Variants in ZNF829 observed in about 807,000 individuals in gnomAD.
ZNF829 encodes the protein zinc finger protein 829.
Under a neutral mutation model 35.2 loss-of-function variants are expected in ZNF829, and 25 were observed. That is an observed-to-expected ratio of 0.71 (90% CI 0.52 to 0.99). ZNF829 has a LOEUF of 0.99. Ranked by LOEUF, ZNF829 falls within the 50% of genes least tolerant of loss-of-function variation. The pLI is 0.00. For synonymous variants in ZNF829, 136 were observed against 163.2 expected, an observed-to-expected ratio of 0.83 and a Z score of 1.27; for missense variants, 417 against 515.3, an observed-to-expected ratio of 0.81 and a Z score of 1.85.
chr19:36,906,767 A>G (rs2073218973), intron 5 of ZNF829: 1 of 152,112 alleles, frequency 6.6e-6, no homozygotes, highest in Non-Finnish European at 1.5e-5. Flanking sequence ...GTAATTAATA[A>G]TATATAAAGC....
chr19:36,897,490 A>T (rs1248265124), intron 5 of ZNF829, among the ~76,000 whole-genome samples: 3 of 152,234 alleles, frequency 2.0e-5, no homozygotes, highest in African/African-American at 7.2e-5. Flanking sequence ...GAAACATCTG[A>T]TAAACTTCAA....
At chr19:36,915,308 C>A in intron 1 of ZNF829, 57 bp from the exon 2 acceptor site, 1 of 1,527,458 alleles carries the variant, frequency 6.5e-7, no homozygotes, top group Non-Finnish European at 8.8e-7. Flanking sequence ...CATACTCATA[C>A]ACAGAATGCC....
intron 2 of ZNF829, 47 bp from the exon 3 acceptor site, chr19:36,915,069 C>A (rs1470226303): frequency 1.9e-6 from 3 of 1,613,976 alleles, no homozygotes; most frequent in South Asian, 1.1e-5. Context: ...TGTGAGACAC[C>A]AGGTTTTTCT....
chr19:36,891,439 G>T lies in ZNF829; in HGVS notation c.*53C>A. The T allele has an allele frequency of 1.3e-6, 2 of 1,491,898 alleles. No individual in the cohort carries two copies. Among genetic ancestry groups the T allele is most frequent in the Admixed American group, 2.3e-5 (1 of 43,264 alleles). 92.4% of individuals were successfully genotyped at this position (1,491,898 alleles called of 1,614,324 possible). ...GTATCCTAATTTGTTCTCCTTACCT[G>T]TTTTAAAAAAATTATTATAAAGGTT... On this transcript the variant is annotated 3_prime_UTR_variant, in exon 6 of 6. Transcript: ENST00000391711.
intron 5 of ZNF829, chr19:36,905,376 G>GA (rs1454239577): frequency 9.3e-5 from 14 of 151,196 alleles, no homozygotes; most frequent in Admixed American, 8.6e-4. Context: ...ATATTCTCAT[G>GA]AAAAAATAAC....
chr19:36,893,925 C>A (rs2073086916), intron 5 of ZNF829, among the ~76,000 whole-genome samples: 1 of 152,172 alleles, frequency 6.6e-6, no homozygotes, highest in South Asian at 2.1e-4. Context: ...TTGGTAATTA[C>A]CAAGAAGACT....
At chr19:36,912,046 T>C (rs1318220322) in intron 3 of ZNF829, among the ~76,000 whole-genome samples, 1 of 152,210 alleles carries the variant, frequency 6.6e-6, no homozygotes, top group African/African-American at 2.4e-5. Context: ...ACTTTTCTTT[T>C]CCTTACCTCC....
At chr19:36,897,423 G>A (rs1036167512) in intron 5 of ZNF829, among the ~76,000 whole-genome samples, 1 of 152,104 alleles carries the variant, frequency 6.6e-6, no homozygotes, top group Non-Finnish European at 1.5e-5. Flanking sequence ...TAAACATGAT[G>A]TATCAGATCA....
chr19:36,891,833 C>T lies in ZNF829; in HGVS notation c.958G>A (p.Gly320Ser), dbSNP rs2073056921. 1 of 1,614,010 alleles carries T rather than the reference C, an allele frequency of 6.2e-7. No individual in the cohort carries two copies. Among genetic ancestry groups the T allele is most frequent in the Non-Finnish European group, 8.5e-7 (1 of 1,180,020 alleles). The change falls in exon 6 of 6, where the codon GGT becomes AGT. Residue 320 changes from glycine to serine, a missense_variant. Gly to Ser is a moderately conservative substitution (Grantham distance 56). Coordinates refer to ENST00000391711, the MANE Select transcript of ZNF829 (RefSeq NM_001037232.4). The stretch of plus-strand genomic sequence containing the variant: ...TGCTTACATTCATAAGGTTTCTCAC[C>T]AGTATGCATTCTCTGATGCTGAATA... ...RLIQHQRMHT[G>S]EKPYECKQCG...
chr19:36,914,458 A>G (rs2073289731), intron 3 of ZNF829, among the ~76,000 whole-genome samples: 1 of 152,180 alleles, frequency 6.6e-6, no homozygotes, highest in Admixed American at 6.5e-5. Context: ...AATATGTTCA[A>G]TTTTATTATT....
In ZNF829 at chr19:36,889,958, T is replaced by A. The variant is rs994652376; in HGVS notation, c.*1534A>T. The A allele has an allele frequency of 6.6e-6, 1 of 152,220 alleles. No homozygotes were observed. The highest frequency in any genetic ancestry group is 1.9e-4 in the East Asian group (1 of 5,190). 9.4% of individuals were successfully genotyped at this position (152,220 alleles called of 1,614,324 possible). On this transcript the variant is annotated 3_prime_UTR_variant, in exon 6 of 6. Coordinates refer to ENST00000391711, the MANE Select transcript of ZNF829 (RefSeq NM_001037232.4). ...TTTTGCTGTATCTCAGATGTTTTCA[T>A]GTGTTTTGTCTCTATTTTCATTTAT... is the stretch of plus-strand genomic sequence containing the variant.
At chr19:36,893,564 G>A (rs148628856) in intron 5 of ZNF829, among the ~76,000 whole-genome samples, 131 of 152,180 alleles carry the variant, frequency 8.6e-4, no homozygotes, top group African/African-American at 2.6e-3. Context: ...GAGGAATAAC[G>A]TATATAAATA....
rs111574739 is a variant in ZNF829, at chr19:36,902,180, A to AG, written c.319+5748_319+5749insC. On this transcript the variant is annotated intron_variant, in intron 5 of 5. Transcript: ENST00000391711. ...TTGCAAAAAAAAAAGAAAAAAAAAAACAAGTACCCCCCCGCACCCCGCAAA... is the reference window on the plus strand; with the variant it reads ...TTGCAAAAAAAAAAGAAAAAAAAAAAGCAAGTACCCCCCCGCACCCCGCAAA... 7.8e-3 allele frequency: 1,999 copies of AG among 257,364 alleles called. 56 individuals carry two copies. Among genetic ancestry groups the AG allele is most frequent in the African/African-American group, 0.044 (1,888 of 43,240 alleles). 15.9% of individuals were successfully genotyped at this position (257,364 alleles called of 1,614,324 possible).
At position 36,907,929 on chromosome 19, in the gene ZNF829, C is replaced by G. The variant is rs768413618; in HGVS notation, c.319G>C (p.Asp107His). 1.2e-6 allele frequency: 2 copies of G among 1,613,250 alleles called. No individual in the cohort carries two copies. The highest frequency in any genetic ancestry group is 2.7e-5 in the African/African-American group (2 of 74,874). The change falls in exon 5 of 6, where the codon GAT becomes CAT. Residue 107 changes from aspartate to histidine, a missense_variant and splice_region_variant. Asp to His is a moderately conservative substitution (Grantham distance 81). Coordinates refer to ENST00000391711, the MANE Select transcript of ZNF829 (RefSeq NM_001037232.4). ...TCCTGAGCCATCATCTCTTACTTAC[C>G]TGAACACAGGCCTCTAGTCAGCTCT... is the stretch of plus-strand genomic sequence containing the variant. ...DRELTRGLCS[D>H]LESMCETKIL...
chr19:36,888,382 T>C lies in ZNF829; in HGVS notation c.*3110A>G, dbSNP rs2073017576. 1 of 151,970 alleles carries C rather than the reference T, an allele frequency of 6.6e-6. No individual in the cohort carries two copies. Among genetic ancestry groups the C allele is most frequent in the South Asian group, 2.1e-4 (1 of 4,828 alleles). The allele number at this position is 151,970 out of a possible 1,614,324, so 9.4% of individuals were successfully genotyped here. ...GCAAAAATCTTTAATCTCCTTGCCC[T>C]GATGATATCTGTCTCTACAATATCC... On this transcript the variant is annotated 3_prime_UTR_variant, in exon 6 of 6. Transcript: ENST00000391711.
intron 5 of ZNF829, among the ~76,000 whole-genome samples, chr19:36,899,128 G>C (rs2073138713): frequency 1.3e-5 from 2 of 152,098 alleles, no homozygotes; most frequent in Non-Finnish European, 2.9e-5. Flanking sequence ...CTAATATCCA[G>C]AATTAACAAG....
chr19:36,898,616 T>C (rs1417025165), intron 5 of ZNF829, among the ~76,000 whole-genome samples: 3 of 152,182 alleles, frequency 2.0e-5, no homozygotes, highest in Non-Finnish European at 4.4e-5. Flanking sequence ...ACTACAAAGC[T>C]GTCGTAACCA....
chr19:36,908,397 G>T lies in ZNF829; in HGVS notation c.159C>A (p.Asp53Glu), dbSNP rs775852887. 11 of 1,613,408 alleles carry T rather than the reference G, an allele frequency of 6.8e-6. No individual in the cohort carries two copies. The highest frequency in any genetic ancestry group is 1.7e-4 in the Middle Eastern group (1 of 6,056). ...DFSQEEWECL[D>E]ADQMNLYKEV... ...CTTTGTATAAATTCATCTGATCAGC[G>T]TCCAGGCATTCCCATTCCTCTTGAG... Residue 53 changes from aspartate (D) to glutamate (E), a missense_variant, in exon 4 of 6, where the codon GAC becomes GAA. Physicochemically the swap from Asp to Glu is conservative, Grantham distance 45 (BLOSUM62 2). Coordinates refer to ENST00000391711, the MANE Select transcript of ZNF829 (RefSeq NM_001037232.4).
At position 36,891,701 on chromosome 19, in the gene ZNF829, T is replaced by C; in HGVS notation, c.1090A>G (p.Ser364Gly). The C allele has an allele frequency of 6.2e-7, 1 of 1,614,026 alleles. No individual in the cohort carries two copies. Among genetic ancestry groups the C allele is most frequent in the Non-Finnish European group, 8.5e-7 (1 of 1,179,968 alleles). The part of the protein sequence containing the change: ...CEECRKAFIQ[S>G]SELIQHQRIH... ...CTCTGATGTTGAATAAGTTCTGAGCTCTGAATAAAGGCCTTTCTACATTCT... is the reference window on the plus strand; with the variant it reads ...CTCTGATGTTGAATAAGTTCTGAGCCCTGAATAAAGGCCTTTCTACATTCT... The change falls in exon 6 of 6, where the codon AGC becomes GGC. Residue 364 changes from serine to glycine, a missense_variant. Coordinates refer to ENST00000391711, the MANE Select transcript of ZNF829 (RefSeq NM_001037232.4).
Sources: gnomAD v4.1 joint callset for allele counts (sites outside exome capture counted in the v4.1 genomes callset) on GRCh38, gnomAD v4.1.1 for gene constraint, MANE v1.5 for transcripts, NCBI Gene and HGNC (gene_info 2026-07-23, HGNC 2026-07-21) for gene names.